Variants in SORBS2 observed in about 807,000 individuals in gnomAD.
SORBS2 encodes the protein sorbin and SH3 domain containing 2.
Under a neutral mutation model 97.7 loss-of-function variants are expected in SORBS2, and 46 were observed. The observed-to-expected ratio is 0.47, with a 90% CI of 0.37 to 0.60. SORBS2 has a LOEUF of 0.60. Ranked by LOEUF, SORBS2 falls within the 20% of genes least tolerant of loss-of-function variation. The pLI is 0.00. For synonymous variants in SORBS2, 476 were observed against 473.4 expected, an observed-to-expected ratio of 1.01 and a Z score of -0.07; for missense variants, 1,316 against 1,282.3, an observed-to-expected ratio of 1.03 and a Z score of -0.40.
At chr4:185,670,526 T>C (rs1209658508) in intron 4 of SORBS2, among the ~76,000 whole-genome samples, 2 of 151,978 alleles carry the variant, frequency 1.3e-5, no homozygotes, top group Non-Finnish European at 2.9e-5. Flanking sequence ...ATATTAAATG[T>C]CAAGCAAAGA....
At chr4:185,615,258 T>G (rs2096610541) in intron 9 of SORBS2, 99 bp from the exon 22 acceptor site, 13 of 734,700 alleles carry the variant, frequency 1.8e-5, no homozygotes, top group Non-Finnish European at 2.9e-5. Context: ...CAAATATACT[T>G]ACAATATTAA....
At chr4:185,609,054 T>A (rs183742390) in intron 12 of SORBS2, among the ~76,000 whole-genome samples, 2 of 152,020 alleles carry the variant, frequency 1.3e-5, no homozygotes, top group Non-Finnish European at 2.9e-5. Context: ...AAAACTCATG[T>A]GAGCATCTTA....
At chr4:185,766,425 CTT>C in intron 2 of SORBS2, among the ~76,000 whole-genome samples, 1 of 152,226 alleles carries the variant, frequency 6.6e-6, no homozygotes, top group Non-Finnish European at 1.5e-5. Context: ...AGTGAATACT[CTT>C]ATGGTAAAAA....
chr4:185,636,648 A>ATTTTTTT (rs1228463050), intron 4 of SORBS2, among the ~76,000 whole-genome samples: 1 of 134,006 alleles, frequency 7.5e-6, no homozygotes. Context: ...CCAGTTGACT[A>ATTTTTTT]TTTTTTTTTT....
At chr4:185,917,987 T>A (rs1438297556) in intron 1 of SORBS2, among the ~76,000 whole-genome samples, 1 of 152,142 alleles carries the variant, frequency 6.6e-6, no homozygotes, top group Non-Finnish European at 1.5e-5. Flanking sequence ...CAAAATAAAA[T>A]TCTTAGTTTC....
At chr4:185,713,700 G>T (rs984318205) in intron 2 of SORBS2, among the ~76,000 whole-genome samples, 22 of 152,254 alleles carry the variant, frequency 1.4e-4, no homozygotes, top group African/African-American at 5.3e-4. Flanking sequence ...GGGTGCAAGA[G>T]AAAGTCAGAG....
chr4:185,837,704 T>C (rs1243318311), intron 1 of SORBS2, among the ~76,000 whole-genome samples: 2 of 152,176 alleles, frequency 1.3e-5, no homozygotes, highest in African/African-American at 2.4e-5. Context: ...AGATATTCCT[T>C]TTGCAAAGCC....
At chr4:185,636,147 C>T (rs945187873) in intron 4 of SORBS2, among the ~76,000 whole-genome samples, 1 of 152,156 alleles carries the variant, frequency 6.6e-6, no homozygotes, top group African/African-American at 2.4e-5. Flanking sequence ...GTGTGAGTCA[C>T]CACGCCTGGC....
intron 2 of SORBS2, among the ~76,000 whole-genome samples, chr4:185,768,244 C>T (rs1351568946): frequency 1.3e-5 from 2 of 152,156 alleles, no homozygotes; most frequent in African/African-American, 4.8e-5. Context: ...GTAACAGAAT[C>T]CCATGTTCAT....
intron 1 of SORBS2, among the ~76,000 whole-genome samples, chr4:185,807,598 C>G (rs2099162318): frequency 6.6e-6 from 1 of 152,180 alleles, no homozygotes; most frequent in South Asian, 2.1e-4. Context: ...ATTTATTCAG[C>G]AAATATCATC....
chr4:185,772,495 G>A (rs1026934413), intron 2 of SORBS2: 1 of 152,208 alleles, frequency 6.6e-6, no homozygotes, highest in African/African-American at 2.4e-5. Context: ...AAATGTTACT[G>A]TTTGTTCCTC....
intron 9 of SORBS2, among the ~76,000 whole-genome samples, chr4:185,617,775 G>A (rs1033766621): frequency 1.3e-5 from 2 of 152,210 alleles, no homozygotes; most frequent in South Asian, 2.1e-4. Context: ...TGAAAACACC[G>A]ACACCAAAAG....
chr4:185,814,319 C>T (rs984711568), intron 1 of SORBS2, among the ~76,000 whole-genome samples: 7 of 151,508 alleles, frequency 4.6e-5, no homozygotes, highest in East Asian at 1.9e-4. Context: ...ATCACTTGAG[C>T]CCAGGATTTG....
At chr4:185,627,467 C>T (rs2096834746) in intron 5 of SORBS2, among the ~76,000 whole-genome samples, 1 of 152,210 alleles carries the variant, frequency 6.6e-6, no homozygotes, top group Non-Finnish European at 1.5e-5. Context: ...ATCCTCAAGC[C>T]TCAGTCTCCT....
At chr4:185,663,753 T>C (rs1003909440) in intron 4 of SORBS2, among the ~76,000 whole-genome samples, 2 of 152,162 alleles carry the variant, frequency 1.3e-5, no homozygotes, top group African/African-American at 4.8e-5. Flanking sequence ...GTTAACTATA[T>C]TGCTAAACCT....
chr4:185,830,246 T>G (rs2099204398), intron 1 of SORBS2, among the ~76,000 whole-genome samples: 1 of 152,208 alleles, frequency 6.6e-6, no homozygotes, highest in South Asian at 2.1e-4. Context: ...ACATTCTGGT[T>G]GGCCCTCTAG....
intron 3 of SORBS2, among the ~76,000 whole-genome samples, 194 bp from the exon 13 acceptor site, chr4:185,646,976 C>T (rs954354747): frequency 4.6e-5 from 7 of 151,248 alleles, no homozygotes; most frequent in Admixed American, 1.3e-4. Flanking sequence ...GGTTTGTAGA[C>T]GCGCAGAGAG....
Position 185,721,626 on chromosome 4 carries a change from G to A in SORBS2, c.-197-42804C>T, listed in dbSNP as rs369418352. Among the ~76,000 whole-genome samples, 32 of 152,258 alleles carry A rather than the reference G, an allele frequency of 2.1e-4. 1 individual carries two copies. In the South Asian group the frequency reaches 5.6e-3, roughly 27 times the overall value. On this transcript the variant is annotated intron_variant, in intron 2 of 20. Coordinates refer to the SORBS2 transcript ENST00000284776. ...GAGAAATAACTTTTTTGGTATAGCCGGAAGATGAACCCTTGGGCACAGTTT... is the reference window on the plus strand; with the variant it reads ...GAGAAATAACTTTTTTGGTATAGCCAGAAGATGAACCCTTGGGCACAGTTT...
At chr4:185,777,859 A>G (rs1033682258) in intron 1 of SORBS2, among the ~76,000 whole-genome samples, 1 of 152,186 alleles carries the variant, frequency 6.6e-6, no homozygotes, top group African/African-American at 2.4e-5. Context: ...GGACACATTC[A>G]TTAAATCCGT....
Sources: allele counts gnomAD v4.1 joint callset (sites outside exome capture counted in the v4.1 genomes callset), GRCh38; gene constraint gnomAD v4.1.1; transcripts MANE v1.5; gene names NCBI Gene and HGNC (gene_info 2026-07-23, HGNC 2026-07-21).